The following SPAG9 variants were observed in gnomAD, a reference collection of about 807,000 sequenced individuals.
SPAG9 encodes the protein sperm associated antigen 9.
Under a neutral mutation model 166.5 loss-of-function variants are expected in SPAG9, and 35 were observed. The observed-to-expected ratio is 0.21, with a 90% CI of 0.16 to 0.28. The LOEUF (loss-of-function observed/expected upper bound fraction) is 0.28. Ranked by LOEUF, SPAG9 falls within the 10% of genes least tolerant of loss-of-function variation. The pLI is 1.00. For missense variants in SPAG9, 1,235 were observed against 1,603.3 expected (o/e 0.77, Z 3.92); for synonymous variants, 534 against 565.5 (o/e 0.94, Z 0.79).
intron 3 of SPAG9, among the ~76,000 whole-genome samples, chr17:51,056,077 AC>A (rs1325893681): frequency 2.6e-5 from 4 of 152,226 alleles, no homozygotes; most frequent in South Asian, 2.1e-4. Context: ...TCATAAAAAA[AC>A]AAATCAGTTC....
chr17:51,089,911 C>T (rs1366417632), intron 1 of SPAG9, among the ~76,000 whole-genome samples: 1 of 151,282 alleles, frequency 6.6e-6, no homozygotes, highest in Non-Finnish European at 1.5e-5. Context: ...CTCCTGACCT[C>T]AGGTGATCCA....
At chr17:50,968,746 T>A (rs887271903) in intron 29 of SPAG9, among the ~76,000 whole-genome samples, 3 of 151,644 alleles carry the variant, frequency 2.0e-5, no homozygotes, top group African/African-American at 7.3e-5. Flanking sequence ...AAAGAAAAAT[T>A]ATAGCAAATA....
intron 1 of SPAG9, among the ~76,000 whole-genome samples, chr17:51,091,109 C>T (rs1056759756): frequency 2.0e-5 from 3 of 151,282 alleles, no homozygotes; most frequent in South Asian, 4.2e-4. Context: ...CCTGTCTCCA[C>T]GAAAAATATG....
At chr17:51,062,353 T>C (rs906265964) in intron 2 of SPAG9, among the ~76,000 whole-genome samples, 4 of 152,256 alleles carry the variant, frequency 2.6e-5, no homozygotes, top group Middle Eastern at 3.4e-3. Flanking sequence ...TTGACAAAAA[T>C]ATGACATGTG....
chr17:51,079,861 A>G (rs1395487685), intron 1 of SPAG9, among the ~76,000 whole-genome samples, 157 bp from the exon 2 acceptor site: 1 of 152,208 alleles, frequency 6.6e-6, no homozygotes, highest in Admixed American at 6.5e-5. Context: ...TATAAAAATT[A>G]AGTTTAAAAA....
chr17:51,033,169 G>C (rs891208487), intron 5 of SPAG9, among the ~76,000 whole-genome samples: 1 of 151,690 alleles, frequency 6.6e-6, no homozygotes, highest in African/African-American at 2.4e-5. Context: ...TTGGTGGTAA[G>C]AGCACTTAAT....
chr17:51,091,180 G>T (rs1370096254), intron 1 of SPAG9, among the ~76,000 whole-genome samples: 3 of 151,616 alleles, frequency 2.0e-5, no homozygotes, highest in African/African-American at 7.3e-5. Flanking sequence ...GCTGAGGTGG[G>T]AGGGGATCAC....
intron 21 of SPAG9, chr17:50,989,463 T>G (rs1975353521): frequency 3.4e-6 from 2 of 595,130 alleles, no homozygotes; most frequent in Admixed American, 2.9e-5. Flanking sequence ...ATAAGATTTT[T>G]TTTTTAAATT....
chr17:51,011,029 G>A (rs1412707464), intron 9 of SPAG9, among the ~76,000 whole-genome samples: 1 of 152,132 alleles, frequency 6.6e-6, no homozygotes, highest in Non-Finnish European at 1.5e-5. Flanking sequence ...GAAAAGGTAA[G>A]AGTCGAGACA....
chr17:51,009,031 T>G (rs1330931875), intron 9 of SPAG9: 4 of 371,914 alleles, frequency 1.1e-5, no homozygotes, highest in Non-Finnish European at 2.1e-5. Context: ...AAAAAATAGT[T>G]GAGCAGAAAA....
chr17:51,015,244 G>A (rs2045648465), intron 8 of SPAG9, among the ~76,000 whole-genome samples: 1 of 152,120 alleles, frequency 6.6e-6, no homozygotes, highest in Admixed American at 6.5e-5. Context: ...AGGTCAATAT[G>A]CTGCCAGAAC....
intron 2 of SPAG9, among the ~76,000 whole-genome samples, chr17:51,075,802 A>G (rs1179310896): frequency 2.6e-5 from 4 of 151,612 alleles, no homozygotes; most frequent in African/African-American, 9.7e-5. Context: ...CCAGCCTGGG[A>G]CACAGAGCCA....
intron 3 of SPAG9, among the ~76,000 whole-genome samples, chr17:51,048,716 G>A (rs1410176427): frequency 6.6e-6 from 1 of 152,060 alleles, no homozygotes; most frequent in African/African-American, 2.4e-5. Context: ...ATTTTAAGAT[G>A]TTATTTATCA....
intron 2 of SPAG9, among the ~76,000 whole-genome samples, chr17:51,078,037 C>T (rs921670350): frequency 4.6e-5 from 7 of 152,098 alleles, no homozygotes; most frequent in African/African-American, 1.7e-4. Context: ...TCAAGCAATC[C>T]TCCCACCTTC....
chr17:50,996,731 C>A, intron 15 of SPAG9, 37 bp from the exon 16 acceptor site: 1 of 1,599,654 alleles, frequency 6.3e-7, no homozygotes, highest in Non-Finnish European at 8.5e-7. Context: ...TACATGAATA[C>A]GTTTAATTAC....
intron 2 of SPAG9, among the ~76,000 whole-genome samples, chr17:51,069,647 TTTATG>T (rs2144588191): frequency 6.6e-6 from 1 of 152,260 alleles, no homozygotes; most frequent in South Asian, 2.1e-4. Flanking sequence ...TATGTTATTG[TTTATG>T]TTAATATCTC....
intron 1 of SPAG9, among the ~76,000 whole-genome samples, chr17:51,112,671 CAAAAAAAAAAAAAAAAAAA>C (rs1206604151): frequency 2.4e-5 from 1 of 41,400 alleles, no homozygotes; most frequent in Admixed American, 3.5e-4. Context: ...TCTGTCTCAA[CAAAAAAAAAAAAAAAAAAA>C]AAAAAAAAAC....
intron 6 of SPAG9, among the ~76,000 whole-genome samples, chr17:51,025,524 G>A (rs2046131163): frequency 6.6e-6 from 1 of 151,338 alleles, no homozygotes; most frequent in Non-Finnish European, 1.5e-5. Context: ...GAGATTGATA[G>A]TGAAAACAAC....
At chr17:51,103,656 T>A (rs2048865240) in intron 1 of SPAG9, among the ~76,000 whole-genome samples, 1 of 152,150 alleles carries the variant, frequency 6.6e-6, no homozygotes, top group South Asian at 2.1e-4. Flanking sequence ...CCAGGCACGG[T>A]GCCTCACATC....
Sources: allele counts gnomAD v4.1 joint callset (sites outside exome capture counted in the v4.1 genomes callset), GRCh38; gene constraint gnomAD v4.1.1; transcripts MANE v1.5; gene names NCBI Gene and HGNC (gene_info 2026-07-23, HGNC 2026-07-21).